CHN2: variants seen among roughly 807,000 people sequenced by gnomAD.
The protein encoded by CHN2 is beta-chimaerin.
Under a neutral mutation model 56.3 loss-of-function variants are expected in CHN2, and 35 were observed. That is an observed-to-expected ratio of 0.62 (90% CI 0.47 to 0.82). The LOEUF (loss-of-function observed/expected upper bound fraction) is 0.82. Ranked by LOEUF, CHN2 falls within the 40% of genes least tolerant of loss-of-function variation. CHN2 has a pLI of 0.00. For missense variants in CHN2, 491 were observed against 580.5 expected (o/e 0.85, Z 1.58); for synonymous variants, 210 against 212.8 (o/e 0.99, Z 0.12).
chr7:29,372,582 A>G (rs1416153603), intron 3 of CHN2, among the ~76,000 whole-genome samples: 2 of 152,208 alleles, frequency 1.3e-5, no homozygotes, highest in Non-Finnish European at 2.9e-5. Flanking sequence ...GGAATCAGTA[A>G]ATAAATCAGT....
At chr7:29,374,763 A>G (rs1799894471) in intron 3 of CHN2, among the ~76,000 whole-genome samples, 1 of 150,800 alleles carries the variant, frequency 6.6e-6, no homozygotes, top group Admixed American at 6.6e-5. Flanking sequence ...TTTCCGGAGA[A>G]GATTCTTCAA....
At chr7:29,476,583 A>G (rs992954727) in intron 6 of CHN2, among the ~76,000 whole-genome samples, 1 of 151,984 alleles carries the variant, frequency 6.6e-6, no homozygotes, top group Admixed American at 6.6e-5. Flanking sequence ...ATACACATAT[A>G]TATGCAAAGC....
intron 2 of CHN2, among the ~76,000 whole-genome samples, chr7:29,364,322 T>A (rs1476082086): frequency 1.3e-5 from 2 of 152,218 alleles, no homozygotes; most frequent in Non-Finnish European, 2.9e-5. Flanking sequence ...TTGTAAGAAT[T>A]GCAAAAGAGC....
chr7:29,190,541 A>G (rs963981379), upstream of CHN2, among the ~76,000 whole-genome samples: 5 of 152,196 alleles, frequency 3.3e-5, no homozygotes, highest in African/African-American at 1.2e-4. Context: ...TTACACCACC[A>G]TAAGAGCTAC....
chr7:29,170,424 T>C (rs1027050564), intron 2 of CHN2, among the ~76,000 whole-genome samples: 2 of 152,220 alleles, frequency 1.3e-5, no homozygotes, highest in African/African-American at 4.8e-5. Context: ...GCCCTTTCTT[T>C]AATTAATTTT....
intron 1 of CHN2, among the ~76,000 whole-genome samples, chr7:29,326,166 TG>T (rs1304253852): frequency 1.3e-5 from 2 of 151,068 alleles, no homozygotes; most frequent in African/African-American, 4.9e-5. Flanking sequence ...GTTTTGTTGT[TG>T]TTTTTTTTTG....
chr7:29,160,609 C>T (rs748223652), intron 2 of CHN2, among the ~76,000 whole-genome samples: 2 of 152,072 alleles, frequency 1.3e-5, no homozygotes, highest in African/African-American at 2.4e-5. Context: ...AGGGGAAGTA[C>T]CACAATCTTC....
chr7:29,235,046 T>C (rs1186176378), intron 1 of CHN2, among the ~76,000 whole-genome samples: 1 of 152,176 alleles, frequency 6.6e-6, no homozygotes, highest in Admixed American at 6.5e-5. Context: ...GGATGAGAGA[T>C]GCCAATGATA....
chr7:29,445,893 C>T (rs1783996390), intron 6 of CHN2, among the ~76,000 whole-genome samples: 2 of 152,068 alleles, frequency 1.3e-5, no homozygotes, highest in African/African-American at 4.8e-5. Flanking sequence ...TCTCCAATTA[C>T]GGAATTCCAA....
At chr7:29,263,297 C>G (rs913348539) in intron 1 of CHN2, among the ~76,000 whole-genome samples, 7 of 152,160 alleles carry the variant, frequency 4.6e-5, no homozygotes, top group African/African-American at 1.7e-4. Context: ...CCCGAGGTGC[C>G]GGGATTGCAG....
At chr7:29,285,787 A>G (rs555067746) in intron 1 of CHN2, among the ~76,000 whole-genome samples, 2 of 152,274 alleles carry the variant, frequency 1.3e-5, no homozygotes, top group South Asian at 4.1e-4. Flanking sequence ...TCTTCTCCCT[A>G]GCATCACCTC....
chr7:29,409,402 C>G (rs1802979750), intron 6 of CHN2, among the ~76,000 whole-genome samples: 1 of 152,140 alleles, frequency 6.6e-6, no homozygotes, highest in Non-Finnish European at 1.5e-5. Flanking sequence ...GTATGAATAA[C>G]ATATTTTTGT....
rs552507479 is a variant in CHN2, at chr7:29,389,852, G to A, written c.145-3827G>A. Among the ~76,000 whole-genome samples, 30 of 151,926 alleles carry A rather than the reference G, an allele frequency of 2.0e-4. 2 individuals carry two copies. The South Asian group carries it at 6.3e-3, about 32-fold the overall frequency. On this transcript the variant is annotated intron_variant, in intron 3 of 12. Coordinates refer to ENST00000222792, the MANE Select transcript of CHN2 (RefSeq NM_004067.4). Reference sequence around the variant, plus strand: ...GCAGATTGCCTGAGCTCAGGAGTTCGAGACCAGCCTGGGCAACATGGTGAA... The same window carrying A: ...GCAGATTGCCTGAGCTCAGGAGTTCAAGACCAGCCTGGGCAACATGGTGAA...
At chr7:29,197,181 A>G (rs1164822785) in intron 1 of CHN2, among the ~76,000 whole-genome samples, 1 of 152,198 alleles carries the variant, frequency 6.6e-6, no homozygotes, top group Non-Finnish European at 1.5e-5. Context: ...CCAGAATCTG[A>G]GAAATTAGGG....
rs188025405 is a variant in CHN2, at chr7:29,298,581, T to C, written c.50-56044T>C. 3.5e-3 allele frequency among the ~76,000 whole-genome samples: 527 copies of C among 152,208 alleles called. 2 individuals are homozygous for C. Among genetic ancestry groups the C allele is most frequent in the African/African-American group, 0.012 (499 of 41,474 alleles). On this transcript the variant is annotated intron_variant, in intron 1 of 12. Transcript: ENST00000222792. Reference sequence around the variant, plus strand: ...TTTGGTTAGCTCCCTTGCTTTCATTTTCCCAAAAAGGAAACCTCCGAGTAA... The same window carrying C: ...TTTGGTTAGCTCCCTTGCTTTCATTCTCCCAAAAAGGAAACCTCCGAGTAA...
intron 1 of CHN2, among the ~76,000 whole-genome samples, chr7:29,243,919 T>C (rs1787876813): frequency 1.3e-5 from 2 of 152,246 alleles, no homozygotes; most frequent in African/African-American, 4.8e-5. Flanking sequence ...ATCTTGCCGA[T>C]CTGAACATTC....
intron 2 of CHN2, among the ~76,000 whole-genome samples, chr7:29,366,038 A>C (rs796807682): frequency 6.6e-6 from 1 of 152,344 alleles, no homozygotes; most frequent in African/African-American, 2.4e-5. Context: ...CTAGAGAAAT[A>C]GGATGAATAA....
At chr7:29,252,464 A>AG (rs1788641390) in intron 1 of CHN2, among the ~76,000 whole-genome samples, 1 of 151,490 alleles carries the variant, frequency 6.6e-6, no homozygotes, top group Admixed American at 6.6e-5. Context: ...CTGGGATTAC[A>AG]GGCGCAAGCC....
At chr7:29,189,181 C>G (rs985427907) in intron 2 of CHN2, among the ~76,000 whole-genome samples, 6 of 152,006 alleles carry the variant, frequency 3.9e-5, no homozygotes, top group African/African-American at 1.4e-4. Flanking sequence ...GAACTCCTGA[C>G]CTCAAATGAT....
Sources: gnomAD v4.1 joint callset for allele counts (sites outside exome capture counted in the v4.1 genomes callset) on GRCh38, gnomAD v4.1.1 for gene constraint, MANE v1.5 for transcripts, NCBI Gene and HGNC (gene_info 2026-07-23, HGNC 2026-07-21) for gene names.